MUTYH: variants seen among roughly 807,000 people sequenced by gnomAD.
MUTYH encodes the protein adenine DNA glycosylase.
MUTYH carries 64 observed loss-of-function variants against 72.9 expected under a neutral mutation model. The observed-to-expected ratio is 0.88, with a 90% CI of 0.72 to 1.08. The LOEUF (loss-of-function observed/expected upper bound fraction) is 1.08, where lower values mean the gene tolerates loss of function less well. MUTYH is among the 50% of genes least tolerant of loss of function. MUTYH has a pLI of 0.00. For missense variants in MUTYH, 633 were observed against 671.0 expected, an observed-to-expected ratio of 0.94 and a Z score of 0.63; for synonymous variants, 234 against 263.1, an observed-to-expected ratio of 0.89 and a Z score of 1.07.
At position 45,332,302 on chromosome 1, in the gene MUTYH, G is replaced by C. The variant is rs750344996; in HGVS notation, c.713C>G (p.Ala238Gly). Reference sequence around the variant, plus strand: ...CCGGGCTGGGTCCACCAGCTGCTGGGCTAGACCCCTAAAAGAAGGGAACAC... The same window carrying C: ...CCGGGCTGGGTCCACCAGCTGCTGGCCTAGACCCCTAAAAGAAGGGAACAC... Reference protein sequence around the residue: ...TLVSQQLWGLAQQLVDPARPG... With the variant: ...TLVSQQLWGLGQQLVDPARPG... The change falls in exon 10 of 16, where the codon GCC becomes GGC. Residue 238 changes from alanine to glycine, a missense_variant. By Grantham distance (60) the Ala-to-Gly change is moderately conservative. Transcript: ENST00000456914. The C allele has an allele frequency of 2.5e-6, 4 of 1,614,098 alleles. No individual in the cohort carries two copies. Among genetic ancestry groups the C allele is most frequent in the Non-Finnish European group, 3.4e-6 (4 of 1,180,004 alleles).
In MUTYH at chr1:45,329,291, G is replaced by A. The variant is rs750156472; in HGVS notation, c.*15C>T. 14 of 1,614,180 alleles carry A rather than the reference G, an allele frequency of 8.7e-6. No individual in the cohort carries two copies. In the South Asian group the frequency reaches 1.4e-4, roughly 16 times the overall value. Reference sequence around the variant, plus strand: ...TAACAACAGGATTCTCAGGGAATGGGGGCTTTCAGAGGTGTCACTGGGCTG... The same window carrying A: ...TAACAACAGGATTCTCAGGGAATGGAGGCTTTCAGAGGTGTCACTGGGCTG... On this transcript the variant is annotated 3_prime_UTR_variant, in exon 16 of 16. Transcript: ENST00000456914.
intron 1 of MUTYH, chr1:45,338,576 G>T (rs935113790): frequency 6.9e-6 from 2 of 291,176 alleles, no homozygotes; most frequent in East Asian, 1.1e-4. Flanking sequence ...TGTAAAAAAC[G>T]ACTTGAGTGC....
chr1:45,340,092 G>T, upstream of MUTYH: 1 of 1,548,712 alleles, frequency 6.5e-7, no homozygotes, highest in Non-Finnish European at 8.7e-7. Flanking sequence ...GCGCCAGGCT[G>T]CCTTCCCCGC....
At chr1:45,339,769 A>G in intron 1 of MUTYH, 130 bp downstream of exon 1, 3 of 1,137,730 alleles carry the variant, frequency 2.6e-6, no homozygotes, top group Non-Finnish European at 3.6e-6. Flanking sequence ...GAATTTACCG[A>G]TGCCCAGAAC....
In MUTYH at chr1:45,333,494, G is replaced by C; in HGVS notation, c.183C>G (p.Asp61Glu). ...CTCGGAAGGCTGTGACTTCAGCTAC[G>C]TCTCTGAATAGATGGTATGAGGAGA... Reference protein sequence around the residue: ...ASVSSYHLFRDVAEVTAFRGS... With the variant: ...ASVSSYHLFREVAEVTAFRGS... The change falls in exon 3 of 16, where the codon GAC (aspartate) becomes GAG (glutamate). Residue 61 changes from aspartate to glutamate, a missense_variant. Transcript: ENST00000456914. The C allele has an allele frequency of 6.2e-7, 1 of 1,614,228 alleles. No homozygotes were observed. Among genetic ancestry groups the C allele is most frequent in the Non-Finnish European group, 8.5e-7 (1 of 1,180,036 alleles).
intron 7 of MUTYH, 38 bp from the exon 8 acceptor site, chr1:45,332,725 A>G (rs1645165750): frequency 6.2e-7 from 1 of 1,614,006 alleles, no homozygotes; most frequent in Middle Eastern, 1.7e-4. Flanking sequence ...TAAGACACCC[A>G]AGACTCCTGG....
intron 1 of MUTYH, among the ~76,000 whole-genome samples, chr1:45,339,305 C>CA (rs1282107102): frequency 2.0e-5 from 3 of 151,114 alleles, no homozygotes; most frequent in Non-Finnish European, 4.4e-5. Context: ...CTCTGCCTCC[C>CA]AGGTTCAAGC....
intron 15 of MUTYH, 92 bp downstream of exon 15, chr1:45,330,424 A>G (rs112951990): frequency 4.4e-6 from 6 of 1,376,244 alleles, no homozygotes; most frequent in African/African-American, 2.9e-5. Context: ...TGGAGTGGAG[A>G]ATGTTCACCC....
At chr1:45,336,266 T>C (rs1197972491) in intron 1 of MUTYH, among the ~76,000 whole-genome samples, 1 of 152,218 alleles carries the variant, frequency 6.6e-6, no homozygotes, top group Non-Finnish European at 1.5e-5. Flanking sequence ...GGAGGATTAC[T>C]TGAGCCCAGG....
intron 2 of MUTYH, chr1:45,334,131 C>T (rs1570457270): frequency 2.2e-6 from 1 of 444,732 alleles, no homozygotes; most frequent in East Asian, 4.8e-5. Flanking sequence ...CTCAGCTTCC[C>T]GAGTAGCTGG....
In MUTYH at chr1:45,333,168, A is replaced by T. The variant is rs730881832; in HGVS notation, c.307T>A (p.Trp103Arg). ...MDLDRRAYAV[W>R]VSEVMLQQTQ... ...TGCTGCAGCATGACCTCTGAGACCC[A>T]CACTGGGGGAAAGGGGTTGGCATGA... Residue 103 changes from tryptophan to arginine, a missense_variant and splice_region_variant, in exon 5 of 16, where the codon TGG becomes AGG. Transcript: ENST00000456914. 13 of 1,614,168 alleles carry T rather than the reference A, an allele frequency of 8.1e-6. No homozygotes were observed. Among genetic ancestry groups the T allele is most frequent in the Non-Finnish European group, 1.1e-5 (13 of 1,180,024 alleles).
At position 45,330,554 on chromosome 1, in the gene MUTYH, A is replaced by G. The variant is rs535102558; in HGVS notation, c.1396T>C (p.Phe466Leu). The change falls in exon 15 of 16, where the codon TTC becomes CTC. Residue 466 changes from phenylalanine (F) to leucine (L), a missense_variant. Phe to Leu is a conservative substitution (Grantham distance 22). Transcript: ENST00000456914. ...AAVSTAMKKV[F>L]RVYQGQQPGT... Reference sequence around the variant, plus strand: ...GGCTGTTGGCCCTGATACACACGGAAAACCTAGACAAGAAGACAGGGAGGT... The same window carrying G: ...GGCTGTTGGCCCTGATACACACGGAGAACCTAGACAAGAAGACAGGGAGGT... 1.2e-6 allele frequency: 2 copies of G among 1,608,496 alleles called. No individual in the cohort carries two copies. Among genetic ancestry groups the G allele is most frequent in the South Asian group, 2.2e-5 (2 of 89,846 alleles).
chr1:45,334,200 G>C (rs1416284589), intron 2 of MUTYH, 191 bp downstream of exon 2: 3 of 734,662 alleles, frequency 4.1e-6, no homozygotes, highest in Non-Finnish European at 6.8e-6. Flanking sequence ...TGTTACCCAA[G>C]CTGGTCTCAA....
In MUTYH at chr1:45,332,097, C is replaced by G. The variant is rs1645002349; in HGVS notation, c.850-11G>C. The G allele has an allele frequency of 1.9e-6, 3 of 1,614,210 alleles. No homozygotes were observed. Among genetic ancestry groups the G allele is most frequent in the Non-Finnish European group, 2.5e-6 (3 of 1,180,026 alleles). On this transcript the variant is annotated splice_polypyrimidine_tract_variant and intron_variant, in intron 10 of 15. Coordinates refer to ENST00000456914, the MANE Select transcript of MUTYH (RefSeq NM_001048174.2). ...CTGTTCCTGCTCCACCTGAGAGGCA[C>G]AGGGTTGAGTGTCATAGGGCAGAGT...
chr1:45,337,467 A>G (rs1177261730), intron 1 of MUTYH, among the ~76,000 whole-genome samples: 1 of 151,796 alleles, frequency 6.6e-6, no homozygotes, highest in Non-Finnish European at 1.5e-5. Flanking sequence ...ACACCCCATT[A>G]TATTCTTTTA....
Position 45,329,343 on chromosome 1 carries a change from G to C in MUTYH, c.1529C>G (p.Ser510Cys). Residue 510 changes from serine (S) to cysteine (C), a missense_variant, in exon 16 of 16, where the codon TCC (serine) becomes TGC (cysteine). Ser to Cys is a moderately radical substitution (Grantham distance 112). Transcript: ENST00000456914. ...ACTGTTGAGGCTGTGTGCATCAGTG[G>C]AGATGTGAGACCGAAAGAAATTATC... ...VLDNFFRSHI[S>C]TDAHSLNSAA... 1 of 1,614,210 alleles carries C rather than the reference G, an allele frequency of 6.2e-7. No individual in the cohort carries two copies. The highest frequency in any genetic ancestry group is 8.5e-7 in the Non-Finnish European group (1 of 1,180,044).
rs752668622 is a variant in MUTYH at position 45,332,896 on chromosome 1, C to T, written c.420+22G>A. The T allele has an allele frequency of 1.2e-6, 2 of 1,614,032 alleles. No individual in the cohort carries two copies. Among genetic ancestry groups the T allele is most frequent in the Non-Finnish European group, 1.7e-6 (2 of 1,179,936 alleles). Reference sequence around the variant, plus strand: ...CAGTCCCTCTATTGTTCCTATTTCCCCTACCCTAGGGTGGCTCTCACCTCC... The same window carrying T: ...CAGTCCCTCTATTGTTCCTATTTCCTCTACCCTAGGGTGGCTCTCACCTCC... On this transcript the variant is annotated intron_variant, in intron 6 of 15. Coordinates refer to ENST00000456914, the MANE Select transcript of MUTYH (RefSeq NM_001048174.2).
rs770008958 is a variant in MUTYH, at chr1:45,332,497, G to A, written c.607-9C>T. 6 of 1,614,116 alleles carry A rather than the reference G, an allele frequency of 3.7e-6. No homozygotes were observed. The highest frequency in any genetic ancestry group is 1.3e-5 in the African/African-American group (1 of 75,076). ...TCCACCACACCGGTTGCCTGGCACAGAGGGGCCAAAGAGTTAGCCTGGGCT... is the reference window on the plus strand; with the variant it reads ...TCCACCACACCGGTTGCCTGGCACAAAGGGGCCAAAGAGTTAGCCTGGGCT... On this transcript the variant is annotated splice_polypyrimidine_tract_variant and intron_variant, in intron 8 of 15. Transcript: ENST00000456914.
Position 45,333,607 on chromosome 1 carries a change from T to C in MUTYH, c.116-46A>G, listed in dbSNP as rs748362676. The C allele has an allele frequency of 5.6e-6, 9 of 1,602,862 alleles. No individual in the cohort carries two copies. Among genetic ancestry groups the C allele is most frequent in the East Asian group, 2.2e-5 (1 of 44,660 alleles). ...TCAGCAATCATCCCTGCACAGGCTG[T>C]GCATCAGGGTCTTGGGACACAGCAG... On this transcript the variant is annotated intron_variant, in intron 2 of 15. Coordinates refer to ENST00000456914, the MANE Select transcript of MUTYH (RefSeq NM_001048174.2).
Sources: gnomAD v4.1 joint callset for allele counts (sites outside exome capture counted in the v4.1 genomes callset) on GRCh38, gnomAD v4.1.1 for gene constraint, MANE v1.5 for transcripts, NCBI Gene and HGNC (gene_info 2026-07-23, HGNC 2026-07-21) for gene names.